EIF2S1: variants seen among roughly 807,000 people sequenced by gnomAD.
EIF2S1 encodes eukaryotic translation initiation factor 2 subunit alpha, also known as eukaryotic translation initiation factor 2 subunit 1.
EIF2S1 carries 5 observed loss-of-function variants against 33.5 expected under a neutral mutation model. The ratio of observed to expected loss-of-function variants is 0.15; its 90% CI spans 0.08 to 0.31. The LOEUF (loss-of-function observed/expected upper bound fraction) is 0.31. EIF2S1 is among the 10% of genes least tolerant of loss of function. The pLI, the probability that EIF2S1 is intolerant of heterozygous loss-of-function variation, is 1.00. For missense variants in EIF2S1, 191 were observed against 384.6 expected, an observed-to-expected ratio of 0.50 and a Z score of 4.21; for synonymous variants, 99 against 127.5, an observed-to-expected ratio of 0.78 and a Z score of 1.51.
chr14:67,377,379 G>T (rs1021028267), intron 4 of EIF2S1, among the ~76,000 whole-genome samples: 7 of 152,154 alleles, frequency 4.6e-5, no homozygotes, highest in African/African-American at 1.4e-4. Flanking sequence ...CTCCTGGTCA[G>T]TTCTTCAGTA....
rs1403919504 is a variant in EIF2S1 at position 67,374,451 on chromosome 14, A to G, written c.242-17A>G. 11 of 1,553,990 alleles carry G rather than the reference A, an allele frequency of 7.1e-6. No individual in the cohort carries two copies. Among genetic ancestry groups the G allele is most frequent in the Non-Finnish European group, 9.7e-6 (11 of 1,137,384 alleles). On this transcript the variant is annotated splice_polypyrimidine_tract_variant and intron_variant, in intron 2 of 7. Transcript: ENST00000256383. Reference sequence around the variant, plus strand: ...GCATCTGGACAGAGATGATTTTTTCACAATTTTTTTGTACAGGATATATTG... The same window carrying G: ...GCATCTGGACAGAGATGATTTTTTCGCAATTTTTTTGTACAGGATATATTG...
rs1406670242 is a variant in EIF2S1 at position 67,385,234 on chromosome 14, A to G, written c.*1794A>G. 3 of 152,222 alleles carry G rather than the reference A, an allele frequency of 2.0e-5. No individual in the cohort carries two copies. Among genetic ancestry groups the G allele is most frequent in the Admixed American group, 6.5e-5 (1 of 15,282 alleles). The allele number at this position is 152,222 out of a possible 1,614,324, so 9.4% of individuals were successfully genotyped here. On this transcript the variant is annotated 3_prime_UTR_variant, in exon 8 of 8. Coordinates refer to ENST00000256383, the MANE Select transcript of EIF2S1 (RefSeq NM_004094.5). ...GCAGGGACAAGATACATATGAGGAC[A>G]AGGTATACACCCAGTTCTGAATAAC...
At chr14:67,372,163 T>C (rs1338515654) in intron 2 of EIF2S1, among the ~76,000 whole-genome samples, 1 of 152,236 alleles carries the variant, frequency 6.6e-6, no homozygotes. Flanking sequence ...TGCTTTTATA[T>C]GATCAGTTAA....
At chr14:67,372,148 A>C (rs1030161574) in intron 2 of EIF2S1, among the ~76,000 whole-genome samples, 1 of 152,218 alleles carries the variant, frequency 6.6e-6, no homozygotes, top group Non-Finnish European at 1.5e-5. Context: ...TAAAAAATTT[A>C]TGTGTGCTTT....
Position 67,385,484 on chromosome 14 carries a change from C to T in EIF2S1, c.*2044C>T, listed in dbSNP as rs370537627. The T allele has an allele frequency of 2.6e-5, 4 of 151,436 alleles. No individual in the cohort carries two copies. The highest frequency in any genetic ancestry group is 4.2e-4 in the South Asian group (2 of 4,798). The allele number at this position is 151,436 out of a possible 1,614,324, so 9.4% of individuals were successfully genotyped here. A position where few individuals can be genotyped will look rare whatever the true frequency, so the allele number is the denominator to read the frequency against. On this transcript the variant is annotated 3_prime_UTR_variant, in exon 8 of 8. Transcript: ENST00000256383. ...AAAAATCTTGAATCTCCCATCAAAG[C>T]CTTTTCATTAAAAATACAATTTCAT...
At chr14:67,365,532 C>T (rs999033505) in intron 2 of EIF2S1, among the ~76,000 whole-genome samples, 2 of 152,186 alleles carry the variant, frequency 1.3e-5, no homozygotes, top group African/African-American at 4.8e-5. Flanking sequence ...TTTGCATCTA[C>T]CAGATCTCGT....
chr14:67,364,987 A>G lies in EIF2S1; in HGVS notation c.220A>G (p.Ile74Val), dbSNP rs756898543. Residue 74 changes from isoleucine to valine, a missense_variant, in exon 2 of 8, where the codon ATT becomes GTT. Coordinates refer to ENST00000256383, the MANE Select transcript of EIF2S1 (RefSeq NM_004094.5). ...TGGCAGGAATGAGTGTGTGGTTGTC[A>G]TTAGGGTGGACAAAGAAAAAGGTAA... The part of the protein sequence containing the change: ...RIGRNECVVV[I>V]RVDKEKGYID... 2.5e-6 allele frequency: 4 copies of G among 1,607,898 alleles called. No individual in the cohort carries two copies.
At position 67,360,349 on chromosome 14, in the gene EIF2S1, G is replaced by A; in HGVS notation, c.-109G>A. ...CCGCATGCGCGGTGGAGTGAGCGAA[G>A]CGCACGCTGAGGAGGATCGGCGGCC... On this transcript the variant is annotated 5_prime_UTR_variant, in exon 1 of 8. Coordinates refer to ENST00000256383, the MANE Select transcript of EIF2S1 (RefSeq NM_004094.5). 2.5e-6 allele frequency: 1 copy of A among 397,606 alleles called. No individual in the cohort carries two copies. Among genetic ancestry groups the A allele is most frequent in the Non-Finnish European group, 4.4e-6 (1 of 225,658 alleles). 24.6% of individuals were successfully genotyped at this position (397,606 alleles called of 1,614,324 possible).
chr14:67,367,349 G>T (rs144947624), intron 2 of EIF2S1, among the ~76,000 whole-genome samples: 4,453 of 152,254 alleles, frequency 0.029, 86 homozygotes, highest in Non-Finnish European at 0.036. Flanking sequence ...TCCTGTCTCA[G>T]CCTCCAGAGT....
At chr14:67,374,621 C>A in intron 3 of EIF2S1, 74 bp downstream of exon 3, 2 of 934,204 alleles carry the variant, frequency 2.1e-6, no homozygotes, top group Non-Finnish European at 1.6e-6. Flanking sequence ...TAATTTCATA[C>A]TGCTACTACC....
At chr14:67,379,211 A>AAC in intron 4 of EIF2S1, among the ~76,000 whole-genome samples, 1 of 152,332 alleles carries the variant, frequency 6.6e-6, no homozygotes, top group Non-Finnish European at 1.5e-5. Context: ...GAGAGTTTCT[A>AAC]ATATATATGC....
At chr14:67,380,973 T>C (rs1441133558) in intron 5 of EIF2S1, among the ~76,000 whole-genome samples, 1 of 152,176 alleles carries the variant, frequency 6.6e-6, no homozygotes. Context: ...GTCTTGTGAG[T>C]TCAGCTAACC....
chr14:67,374,919 A>G (rs2085848536), intron 3 of EIF2S1, among the ~76,000 whole-genome samples: 1 of 152,130 alleles, frequency 6.6e-6, no homozygotes, highest in South Asian at 2.1e-4. Context: ...ACAGTTCTTG[A>G]TTTTCAACCC....
At chr14:67,366,207 A>G (rs745524581) in intron 2 of EIF2S1, among the ~76,000 whole-genome samples, 2 of 151,916 alleles carry the variant, frequency 1.3e-5, no homozygotes, top group African/African-American at 4.8e-5. Flanking sequence ...AGTCCTCCCA[A>G]GTAGCTGGAA....
intron 2 of EIF2S1, among the ~76,000 whole-genome samples, chr14:67,368,346 T>C (rs1205782227): frequency 6.6e-6 from 1 of 152,154 alleles, no homozygotes; most frequent in Non-Finnish European, 1.5e-5. Context: ...GGGCTCCAGA[T>C]TGGCTGCTCT....
intron 4 of EIF2S1, among the ~76,000 whole-genome samples, chr14:67,377,374 G>A (rs868084978): frequency 1.3e-5 from 2 of 152,000 alleles, no homozygotes; most frequent in Admixed American, 6.6e-5. Flanking sequence ...CTCTGCTCCT[G>A]GTCAGTTCTT....
intron 1 of EIF2S1, among the ~76,000 whole-genome samples, chr14:67,362,790 T>C (rs944707010): frequency 1.3e-5 from 2 of 152,250 alleles, no homozygotes. Context: ...TTAGGCAATA[T>C]GTTCAAAAAT....
chr14:67,360,969 A>G (rs1013882701), intron 1 of EIF2S1, among the ~76,000 whole-genome samples: 1 of 152,168 alleles, frequency 6.6e-6, no homozygotes, highest in African/African-American at 2.4e-5. Flanking sequence ...GGGTCCGAGT[A>G]GTTTTTCATC....
chr14:67,369,961 G>C (rs2085808548), intron 2 of EIF2S1, among the ~76,000 whole-genome samples: 1 of 152,190 alleles, frequency 6.6e-6, no homozygotes, highest in African/African-American at 2.4e-5. Flanking sequence ...CTTCAGAGCT[G>C]AGAGCCCCGA....
Sources: allele counts gnomAD v4.1 joint callset (sites outside exome capture counted in the v4.1 genomes callset), GRCh38; gene constraint gnomAD v4.1.1; transcripts MANE v1.5; gene names NCBI Gene and HGNC (gene_info 2026-07-23, HGNC 2026-07-21).